Variants in NTM observed in about 807,000 individuals in gnomAD.
The protein encoded by NTM is neurotrimin.
In NTM, 13 loss-of-function variants were observed where a neutral mutation model predicts 42.1. The observed-to-expected ratio is 0.31, with a 90% CI of 0.20 to 0.49. NTM has a LOEUF of 0.49. Ranked by LOEUF, NTM falls within the 20% of genes least tolerant of loss-of-function variation. The probability of loss-of-function intolerance (pLI) is 0.99; values close to 1 mark genes in which losing one functional copy is unlikely to be tolerated. For synonymous variants in NTM, 187 were observed against 179.2 expected, an observed-to-expected ratio of 1.04 and a Z score of -0.35; for missense variants, 373 against 452.8, an observed-to-expected ratio of 0.82 and a Z score of 1.60.
intron 1 of NTM, among the ~76,000 whole-genome samples, chr11:131,687,748 C>G (rs1034528917): frequency 3.3e-5 from 5 of 152,066 alleles, no homozygotes; most frequent in Admixed American, 6.5e-5. Context: ...GAGGGACAGG[C>G]GGCCACAGGC....
At chr11:131,463,503 A>G (rs188056438) in intron 1 of NTM, among the ~76,000 whole-genome samples, 2 of 152,344 alleles carry the variant, frequency 1.3e-5, no homozygotes, top group African/African-American at 2.4e-5. Context: ...GGGGATTAGC[A>G]TATCAGCCAG....
chr11:132,307,805 G>A lies in NTM; in HGVS notation c.643G>A (p.Val215Ile). 6.2e-7 allele frequency: 1 copy of A among 1,614,168 alleles called. No homozygotes were observed. The highest frequency in any genetic ancestry group is 8.5e-7 in the Non-Finnish European group (1 of 1,180,024). ...NDVAAPVVRR[V>I]KVTVNYPPYI... ...CGTGGCCGCGCCCGTGGTACGGAGAGTAAAGGTCACCGTGAACTGTAAGTG... is the reference window on the plus strand; with the variant it reads ...CGTGGCCGCGCCCGTGGTACGGAGAATAAAGGTCACCGTGAACTGTAAGTG... The change falls in exon 5 of 9, where the codon GTA becomes ATA. Residue 215 changes from valine (V) to isoleucine (I), a missense_variant. This residue lies in a region of NTM where 312 missense variants were observed against 353.5 expected (regional missense o/e 0.88). Transcript: ENST00000683400.
chr11:131,645,611 T>C (rs2065677239), intron 1 of NTM, among the ~76,000 whole-genome samples: 1 of 152,280 alleles, frequency 6.6e-6, no homozygotes, highest in African/African-American at 2.4e-5. Flanking sequence ...TTCATCTAAA[T>C]ATGTACTTTG....
rs368567031 is a variant in NTM at position 132,117,351 on chromosome 11, T to C, written c.168-28931T>C. On this transcript the variant is annotated intron_variant, in intron 2 of 8. Coordinates refer to ENST00000683400, the MANE Select transcript of NTM (RefSeq NM_001352005.2). Reference sequence around the variant, plus strand: ...GTGTGTCAGTCTTCAGACTGGAAACTCTGAGCATGGGCCCCTCTCCCTAGT... The same window carrying C: ...GTGTGTCAGTCTTCAGACTGGAAACCCTGAGCATGGGCCCCTCTCCCTAGT... Among the ~76,000 whole-genome samples, 850 of 152,334 alleles carry C rather than the reference T, an allele frequency of 5.6e-3. 3 individuals carry two copies. Among genetic ancestry groups the C allele is most frequent in the Non-Finnish European group, 0.01 (693 of 68,030 alleles).
At chr11:131,967,824 G>A (rs900364742) in intron 2 of NTM, among the ~76,000 whole-genome samples, 2 of 152,132 alleles carry the variant, frequency 1.3e-5, no homozygotes, top group South Asian at 2.1e-4. Context: ...TAGAAATCTG[G>A]TTTCTATCTG....
At chr11:131,449,418 A>G (rs1029511460) in intron 1 of NTM, among the ~76,000 whole-genome samples, 3 of 152,188 alleles carry the variant, frequency 2.0e-5, no homozygotes, top group African/African-American at 7.2e-5. Flanking sequence ...CGTTGTGCAG[A>G]TAAGGAGCAG....
intron 2 of NTM, among the ~76,000 whole-genome samples, chr11:132,043,875 C>T (rs2077527458): frequency 6.6e-6 from 1 of 152,088 alleles, no homozygotes; most frequent in Non-Finnish European, 1.5e-5. Flanking sequence ...TCCTGAGAAC[C>T]ATTCTCCTGG....
chr11:132,293,626 T>C (rs2094524414), intron 4 of NTM, among the ~76,000 whole-genome samples: 1 of 151,882 alleles, frequency 6.6e-6, no homozygotes, highest in African/African-American at 2.4e-5. Flanking sequence ...CTACAGCCTA[T>C]GGGCCAGATT....
chr11:131,658,162 T>C (rs922080371), intron 1 of NTM, among the ~76,000 whole-genome samples: 3 of 152,186 alleles, frequency 2.0e-5, no homozygotes, highest in African/African-American at 7.2e-5. Context: ...AGGATCTTAG[T>C]TCCATTTCTT....
intron 2 of NTM, among the ~76,000 whole-genome samples, chr11:131,993,189 A>C (rs1015227577): frequency 2.6e-5 from 4 of 152,190 alleles, no homozygotes; most frequent in African/African-American, 9.6e-5. Context: ...CCACTGGCAA[A>C]TAGTTTGGGA....
Position 131,646,155 on chromosome 11 carries a change from C to A in NTM, c.83-265409C>A, listed in dbSNP as rs73592224. Among the ~76,000 whole-genome samples the A allele has an allele frequency of 8.3e-3, 1,257 of 152,242 alleles. 14 individuals carry two copies. The highest frequency in any genetic ancestry group is 0.027 in the African/African-American group (1,101 of 41,536). The stretch of plus-strand genomic sequence containing the variant: ...GGTCAGCAAACTGTGCCCATGGGCC[C>A]GATCTAACCCATTGCTTCTTTTCAT... On this transcript the variant is annotated intron_variant, in intron 1 of 8. Coordinates refer to ENST00000683400, the MANE Select transcript of NTM (RefSeq NM_001352005.2).
At chr11:131,770,846 C>T (rs2085960167) in intron 1 of NTM, 2 of 152,154 alleles carry the variant, frequency 1.3e-5, no homozygotes, top group Admixed American at 1.3e-4. Flanking sequence ...GGATCAGAAA[C>T]ATCAATCATT....
chr11:131,795,735 A>T, intron 1 of NTM: 5 of 985,328 alleles, frequency 5.1e-6, no homozygotes, highest in Non-Finnish European at 6.0e-6. Flanking sequence ...AGGTGGTGAC[A>T]GTGTAGTGGT....
intron 1 of NTM, chr11:131,537,195 A>AAC (rs1249272163): frequency 2.0e-5 from 3 of 151,898 alleles, no homozygotes; most frequent in East Asian, 1.9e-4. Flanking sequence ...TAAAAAAAAA[A>AAC]AAAAAACAAT....
chr11:131,544,710 G>T (rs754228138), intron 1 of NTM, among the ~76,000 whole-genome samples: 1 of 152,154 alleles, frequency 6.6e-6, no homozygotes, highest in Non-Finnish European at 1.5e-5. Context: ...CCTAAAGTTG[G>T]AGAATGTTTT....
intron 1 of NTM, among the ~76,000 whole-genome samples, chr11:131,630,321 T>G (rs1204461124): frequency 6.6e-6 from 1 of 152,176 alleles, no homozygotes; most frequent in Non-Finnish European, 1.5e-5. Flanking sequence ...TATATTGTTT[T>G]CTCTCTGCCA....
At chr11:132,331,150 G>T (rs556723050) in intron 8 of NTM, among the ~76,000 whole-genome samples, 5 of 152,346 alleles carry the variant, frequency 3.3e-5, no homozygotes, top group Middle Eastern at 3.4e-3. Flanking sequence ...GCATCTCTGA[G>T]ATAGTGGGAA....
rs1225483001 is a variant in NTM at position 132,081,673 on chromosome 11, A to C, written c.168-64609A>C. 2.6e-5 allele frequency among the ~76,000 whole-genome samples: 4 copies of C among 151,612 alleles called. No individual in the cohort carries two copies. In the East Asian group the frequency reaches 7.8e-4, roughly 30 times the overall value. On this transcript the variant is annotated intron_variant, in intron 2 of 8. Coordinates refer to ENST00000683400, the MANE Select transcript of NTM (RefSeq NM_001352005.2). The stretch of plus-strand genomic sequence containing the variant: ...CGTGAACCCGGGAGGTGGAGCTTGC[A>C]GTGAGCCGAGATTGCACTCCAGCCT...
chr11:132,131,193 G>T (rs77357660), intron 2 of NTM, among the ~76,000 whole-genome samples: 1 of 152,128 alleles, frequency 6.6e-6, no homozygotes, highest in South Asian at 2.1e-4. Context: ...ATAGATGCAC[G>T]CGTGTTATGC....
Sources: allele counts gnomAD v4.1 joint callset (sites outside exome capture counted in the v4.1 genomes callset), GRCh38; gene constraint gnomAD v4.1.1; regional missense constraint gnomAD v4.1.1; transcripts MANE v1.5; gene names NCBI Gene and HGNC (gene_info 2026-07-23, HGNC 2026-07-21).